The following IFT74 variants were observed in gnomAD, a reference collection of about 807,000 sequenced individuals.
The protein encoded by IFT74 is intraflagellar transport 74.
In IFT74, 92 loss-of-function variants were observed where a neutral mutation model predicts 96.7. The ratio of observed to expected loss-of-function variants is 0.95; its 90% CI spans 0.80 to 1.13. The LOEUF (loss-of-function observed/expected upper bound fraction) is 1.13. Ranked by LOEUF, IFT74 falls within the 50% of genes most tolerant of loss-of-function variation. The pLI, the probability that IFT74 is intolerant of heterozygous loss-of-function variation, is 0.00. For missense variants in IFT74, 811 were observed against 698.2 expected (o/e 1.16, Z -1.82); for synonymous variants, 223 against 213.2 (o/e 1.05, Z -0.40).
intron 13 of IFT74, among the ~76,000 whole-genome samples, chr9:27,041,561 G>A (rs1245827418): frequency 6.6e-6 from 1 of 152,114 alleles, no homozygotes; most frequent in Non-Finnish European, 1.5e-5. Flanking sequence ...TTACCGTTGT[G>A]TCCCTTTCCC....
At chr9:27,062,554 T>A (rs1396590254) in intron 19 of IFT74, 64 bp from the exon 20 acceptor site, 1 of 863,352 alleles carries the variant, frequency 1.2e-6, no homozygotes, top group East Asian at 2.6e-5. Context: ...CAGTATTTAG[T>A]TCCTTTCTCA....
intron 9 of IFT74, among the ~76,000 whole-genome samples, chr9:27,009,462 T>G (rs1828944100): frequency 6.6e-6 from 1 of 152,230 alleles, no homozygotes; most frequent in Non-Finnish European, 1.5e-5. Flanking sequence ...TAAAAATACT[T>G]GTCTATAAAT....
At chr9:26,996,475 C>G (rs1192428852) in intron 8 of IFT74, 1 of 1,506,018 alleles carries the variant, frequency 6.6e-7, no homozygotes, top group Non-Finnish European at 9.0e-7. Context: ...GTTGGGGTAG[C>G]TACACATGGT....
intron 10 of IFT74, among the ~76,000 whole-genome samples, chr9:27,014,011 C>A (rs147263813): frequency 6.6e-6 from 1 of 152,148 alleles, no homozygotes; most frequent in African/African-American, 2.4e-5. Flanking sequence ...GTCAGGAGAT[C>A]GAGACCATCC....
intron 8 of IFT74, chr9:27,005,491 A>G (rs1025399301): frequency 1.3e-5 from 2 of 151,676 alleles, no homozygotes; most frequent in Non-Finnish European, 2.9e-5. Flanking sequence ...CTTATTTTTC[A>G]TCACTTCTTA....
intron 2 of IFT74, 48 bp from the exon 3 acceptor site, chr9:26,978,080 C>T (rs554056766): frequency 2.7e-6 from 4 of 1,488,994 alleles, no homozygotes; most frequent in African/African-American, 1.4e-5. Context: ...AAAAGATGTA[C>T]AGTGTTTTTT....
intron 16 of IFT74, among the ~76,000 whole-genome samples, chr9:27,051,592 C>A (rs932506562): frequency 6.6e-6 from 1 of 152,144 alleles, no homozygotes; most frequent in Non-Finnish European, 1.5e-5. Context: ...TTCCCTATCC[C>A]CTGACCCCTG....
At chr9:26,957,042 G>A (rs1826139512) in intron 1 of IFT74, among the ~76,000 whole-genome samples, 1 of 152,208 alleles carries the variant, frequency 6.6e-6, no homozygotes. Context: ...GTTAATTAAG[G>A]TGGCAAGATT....
rs569718762 is a variant in IFT74 at position 27,018,703 on chromosome 9, C to T, written c.974+16C>T. 73 of 1,464,386 alleles carry T rather than the reference C, an allele frequency of 5.0e-5. No homozygotes were observed. In the Middle Eastern group the frequency reaches 7.1e-4, roughly 14 times the overall value. 90.7% of individuals were successfully genotyped at this position (1,464,386 alleles called of 1,614,324 possible). ...TGGAAAGACAGTAAGTATCTTTATA[C>T]TAGGACATTTTACATCCATTTCTCA... On this transcript the variant is annotated intron_variant, in intron 12 of 19. Coordinates refer to ENST00000380062, the MANE Select transcript of IFT74 (RefSeq NM_025103.4).
chr9:27,042,405 G>A (rs1484439933), intron 13 of IFT74, among the ~76,000 whole-genome samples: 1 of 151,904 alleles, frequency 6.6e-6, no homozygotes, highest in African/African-American at 2.4e-5. Flanking sequence ...CCCGCAAAAA[G>A]CAAAAATAAA....
At chr9:26,992,744 A>C (rs933624209) in intron 8 of IFT74, among the ~76,000 whole-genome samples, 1 of 152,164 alleles carries the variant, frequency 6.6e-6, no homozygotes, top group African/African-American at 2.4e-5. Flanking sequence ...TTTTCTATAC[A>C]GCAGTAGAAT....
intron 2 of IFT74, among the ~76,000 whole-genome samples, chr9:26,963,646 C>T (rs971272649): frequency 6.6e-6 from 1 of 151,774 alleles, no homozygotes; most frequent in African/African-American, 2.4e-5. Flanking sequence ...TTAATGATCG[C>T]CATTCTAACT....
intron 8 of IFT74, chr9:26,998,180 T>C: frequency 6.4e-7 from 1 of 1,571,456 alleles, no homozygotes; most frequent in Non-Finnish European, 8.7e-7. Context: ...TATAGTAACA[T>C]CTTTCTTGAT....
chr9:27,058,408 G>A (rs773702294), intron 18 of IFT74, among the ~76,000 whole-genome samples: 14 of 149,630 alleles, frequency 9.4e-5, no homozygotes, highest in Admixed American at 2.0e-4. Context: ...TTTTTGAGAC[G>A]AAGTTTTGCT....
chr9:26,994,705 C>G (rs951611025), intron 8 of IFT74: 2 of 152,572 alleles, frequency 1.3e-5, no homozygotes, highest in Non-Finnish European at 2.9e-5. Context: ...ATTGCTCTAT[C>G]TACTGAATAG....
chr9:27,029,237 A>G, intron 13 of IFT74, 133 bp downstream of exon 13: 1 of 559,038 alleles, frequency 1.8e-6, no homozygotes, highest in Non-Finnish European at 3.0e-6. Flanking sequence ...TACTAACTTT[A>G]CTAAAATATA....
At chr9:26,997,953 T>G in intron 8 of IFT74, 1 of 1,613,928 alleles carries the variant, frequency 6.2e-7, no homozygotes, top group South Asian at 1.1e-5. Flanking sequence ...TATAACTGTT[T>G]TAGTTTATTT....
At chr9:26,976,368 C>T (rs960158608) in intron 2 of IFT74, among the ~76,000 whole-genome samples, 1 of 152,190 alleles carries the variant, frequency 6.6e-6, no homozygotes, top group African/African-American at 2.4e-5. Context: ...TAGGGTGCTT[C>T]TTACAGGGCT....
In IFT74 at chr9:26,990,178, A is replaced by C. The variant is rs369603574; in HGVS notation, c.570A>C (p.Ile190=). The C allele has an allele frequency of 3.6e-4, 536 of 1,468,672 alleles. 5 individuals carry two copies. The South Asian group carries it at 5.6e-3, about 15-fold the overall frequency. The allele number at this position is 1,468,672 out of a possible 1,614,324, so 91.0% of individuals were successfully genotyped here. A position where few individuals can be genotyped will look rare whatever the true frequency, so the allele number is the denominator to read the frequency against. ...NDRETQSLDV[I]FTERQAKEKQ... ...GAGAAACACAAAGTTTGGATGTCAT[A>C]TTTACTGAAAGACAAGCGTAAGTAT... The change falls in exon 8 of 20, where the codon ATA becomes ATC. Residue 190 remains isoleucine (I), a synonymous_variant. Coordinates refer to ENST00000380062, the MANE Select transcript of IFT74 (RefSeq NM_025103.4).
Sources: gnomAD v4.1 joint callset for allele counts (sites outside exome capture counted in the v4.1 genomes callset) on GRCh38, gnomAD v4.1.1 for gene constraint, MANE v1.5 for transcripts, NCBI Gene and HGNC (gene_info 2026-07-23, HGNC 2026-07-21) for gene names.